TAFA2: variants seen among roughly 807,000 people sequenced by gnomAD.
TAFA2 encodes chemokine-like protein TAFA-2.
Under a neutral mutation model 18.8 loss-of-function variants are expected in TAFA2, and 7 were observed. The ratio of observed to expected loss-of-function variants is 0.37; its 90% CI spans 0.21 to 0.70. The LOEUF is 0.70. Ranked by LOEUF, TAFA2 falls within the 30% of genes least tolerant of loss-of-function variation. The pLI, the probability that TAFA2 is intolerant of heterozygous loss-of-function variation, is 0.53. For synonymous variants in TAFA2, 60 were observed against 54.2 expected, an observed-to-expected ratio of 1.11 and a Z score of -0.47; for missense variants, 122 against 158.1, an observed-to-expected ratio of 0.77 and a Z score of 1.23.
intron 4 of TAFA2, among the ~76,000 whole-genome samples, chr12:61,742,762 C>A (rs1377343106): frequency 2.0e-5 from 3 of 152,064 alleles, no homozygotes; most frequent in Admixed American, 6.6e-5. Flanking sequence ...ATAAGTCAAG[C>A]AAGAAATATG....
intron 1 of TAFA2, among the ~76,000 whole-genome samples, chr12:61,972,204 G>T (rs923846539): frequency 3.3e-5 from 5 of 151,314 alleles, no homozygotes; most frequent in African/African-American, 1.2e-4. Flanking sequence ...AATGAAGCTG[G>T]ACCCTCACTT....
chr12:61,952,302 G>C (rs1413258384), intron 1 of TAFA2, among the ~76,000 whole-genome samples: 1 of 152,096 alleles, frequency 6.6e-6, no homozygotes, highest in Non-Finnish European at 1.5e-5. Context: ...ATTAGGTAAT[G>C]ATAAAGAAGC....
chr12:62,239,992 C>T (rs1197188692), intron 1 of TAFA2, among the ~76,000 whole-genome samples: 1 of 151,712 alleles, frequency 6.6e-6, no homozygotes, highest in Non-Finnish European at 1.5e-5. Flanking sequence ...ATCTACTCTC[C>T]AAGAAGGACA....
At chr12:61,837,389 G>A (rs1480049731) in intron 2 of TAFA2, among the ~76,000 whole-genome samples, 1 of 151,914 alleles carries the variant, frequency 6.6e-6, no homozygotes, top group Non-Finnish European at 1.5e-5. Flanking sequence ...GTTCTTTAGA[G>A]ACATCATAAC....
At chr12:62,243,479 A>G (rs1413467025) in intron 1 of TAFA2, among the ~76,000 whole-genome samples, 1 of 152,206 alleles carries the variant, frequency 6.6e-6, no homozygotes, top group East Asian at 1.9e-4. Flanking sequence ...AACAATACAT[A>G]CTCATGACTA....
intron 3 of TAFA2, among the ~76,000 whole-genome samples, chr12:61,754,161 T>G (rs1869151450): frequency 6.6e-6 from 1 of 151,998 alleles, no homozygotes; most frequent in South Asian, 2.1e-4. Flanking sequence ...GACCAGTTTT[T>G]AGAGTCAACA....
intron 4 of TAFA2, among the ~76,000 whole-genome samples, chr12:61,743,370 C>A (rs1158144931): frequency 1.3e-5 from 2 of 152,000 alleles, no homozygotes; most frequent in Non-Finnish European, 2.9e-5. Context: ...ATTACTATAG[C>A]CTTAGTTGTA....
chr12:62,098,289 C>T (rs1177547446), intron 1 of TAFA2, among the ~76,000 whole-genome samples: 3 of 152,116 alleles, frequency 2.0e-5, no homozygotes, highest in African/African-American at 7.2e-5. Context: ...TGAGGTTTAC[C>T]TACCCATGGC....
At chr12:62,043,088 AAT>A (rs888325165) in intron 1 of TAFA2, among the ~76,000 whole-genome samples, 4 of 152,196 alleles carry the variant, frequency 2.6e-5, no homozygotes, top group African/African-American at 9.6e-5. Flanking sequence ...AGAAATGTAA[AAT>A]ATGTCATTTT....
intron 1 of TAFA2, among the ~76,000 whole-genome samples, chr12:62,214,439 A>G (rs763238579): frequency 5.9e-5 from 9 of 152,172 alleles, no homozygotes; most frequent in Admixed American, 2.0e-4. Flanking sequence ...AGGCCTCCCC[A>G]GCCATGTGGA....
Position 62,061,525 on chromosome 12 carries a change from C to T in TAFA2, c.-2+129734G>A, listed in dbSNP as rs1384964994. Among the ~76,000 whole-genome samples the T allele has an allele frequency of 1.1e-4, 16 of 152,224 alleles. 1 individual carries two copies. In the South Asian group the frequency reaches 3.1e-3, roughly 30 times the overall value. On this transcript the variant is annotated intron_variant, in intron 1 of 4. Transcript: ENST00000416284. ...GCATTTTTTCAGAACATATCTCCAT[C>T]GTTAAGAGATATAAGACTGTATATG... is the stretch of plus-strand genomic sequence containing the variant.
intron 1 of TAFA2, among the ~76,000 whole-genome samples, chr12:62,241,764 C>G (rs1444025529): frequency 1.3e-5 from 2 of 152,258 alleles, no homozygotes; most frequent in Non-Finnish European, 2.9e-5. Context: ...ACTGACCTGC[C>G]ACTGAATATG....
At chr12:62,055,584 T>C (rs1265340302) in intron 1 of TAFA2, among the ~76,000 whole-genome samples, 2 of 152,196 alleles carry the variant, frequency 1.3e-5, no homozygotes, top group Admixed American at 6.5e-5. Context: ...ACAGTAATGA[T>C]TTTAGATAAC....
At chr12:61,720,252 C>G (rs1482076265) in intron 4 of TAFA2, among the ~76,000 whole-genome samples, 1 of 152,088 alleles carries the variant, frequency 6.6e-6, no homozygotes, top group Non-Finnish European at 1.5e-5. Flanking sequence ...AGAATGCAGC[C>G]TTTATTTGGT....
intron 1 of TAFA2, among the ~76,000 whole-genome samples, chr12:62,064,707 G>A (rs1403651353): frequency 2.0e-5 from 3 of 151,996 alleles, no homozygotes; most frequent in Non-Finnish European, 4.4e-5. Context: ...TAACTTATAT[G>A]ACTGAATTGC....
chr12:61,974,521 A>G (rs760554562), intron 1 of TAFA2, among the ~76,000 whole-genome samples: 1 of 151,830 alleles, frequency 6.6e-6, no homozygotes, highest in Non-Finnish European at 1.5e-5. Flanking sequence ...TTTCATGTAA[A>G]TATATTTCAA....
chr12:62,222,191 A>C (rs993302011), intron 1 of TAFA2, among the ~76,000 whole-genome samples: 19 of 149,932 alleles, frequency 1.3e-4, no homozygotes, highest in Admixed American at 1.2e-3. Flanking sequence ...CAAAGGTATA[A>C]TAAACACACA....
chr12:61,914,349 C>T lies in TAFA2; in HGVS notation c.-1-46923G>A, dbSNP rs192389709. Among the ~76,000 whole-genome samples, 21 of 152,180 alleles carry T rather than the reference C, an allele frequency of 1.4e-4. 1 individual carries two copies. The highest frequency in any genetic ancestry group is 4.8e-4 in the African/African-American group (20 of 41,534). ...CCTCACACCAGAAAAAGGAAGAGAC[C>T]CAAAATATGGGTTGCACCTTCACCA... is the stretch of plus-strand genomic sequence containing the variant. On this transcript the variant is annotated intron_variant, in intron 1 of 4. Coordinates refer to ENST00000416284, the MANE Select transcript of TAFA2 (RefSeq NM_178539.5).
intron 1 of TAFA2, among the ~76,000 whole-genome samples, chr12:61,917,564 T>A (rs1007298922): frequency 6.6e-6 from 1 of 152,108 alleles, no homozygotes; most frequent in Non-Finnish European, 1.5e-5. Context: ...CACCCAATAA[T>A]TAGCCTGTGC....
Sources: allele counts gnomAD v4.1 joint callset (sites outside exome capture counted in the v4.1 genomes callset), GRCh38; gene constraint gnomAD v4.1.1; transcripts MANE v1.5; gene names NCBI Gene and HGNC (gene_info 2026-07-23, HGNC 2026-07-21).